Variants in TBC1D12 observed in about 807,000 individuals in gnomAD.
The protein encoded by TBC1D12 is TBC1 domain family member 12.
In TBC1D12, 56 loss-of-function variants were observed where a neutral mutation model predicts 86.7. That is an observed-to-expected ratio of 0.65 (90% CI 0.52 to 0.81). TBC1D12 has a LOEUF of 0.81. TBC1D12 is among the 30% of genes least tolerant of loss of function. The pLI is 0.00. For synonymous variants in TBC1D12, 421 were observed against 411.7 expected, an observed-to-expected ratio of 1.02 and a Z score of -0.27; for missense variants, 1,023 against 1,038.8, an observed-to-expected ratio of 0.98 and a Z score of 0.21.
intron 11 of TBC1D12, among the ~76,000 whole-genome samples, chr10:94,527,776 A>G (rs1405072797): frequency 6.6e-6 from 1 of 151,926 alleles, no homozygotes; most frequent in African/African-American, 2.4e-5. Context: ...TGTTTTGTTT[A>G]ATTTTCATAT....
Position 94,514,241 on chromosome 10 carries a change from G to A in TBC1D12, c.1761+2587G>A, listed in dbSNP as rs540989916. Among the ~76,000 whole-genome samples the A allele has an allele frequency of 2.6e-5, 4 of 152,158 alleles. No homozygotes were observed. In the South Asian group the frequency reaches 8.3e-4, roughly 32 times the overall value. The stretch of plus-strand genomic sequence containing the variant: ...TAATAAAAAATTAGCCAGGTGTGGT[G>A]GTGTGCACCTGTAGTCCCAGCTACT... On this transcript the variant is annotated intron_variant, in intron 9 of 12. Coordinates refer to ENST00000225235, the MANE Select transcript of TBC1D12 (RefSeq NM_015188.2).
chr10:94,434,365 G>T (rs144514913), intron 1 of TBC1D12, among the ~76,000 whole-genome samples: 30,838 of 151,688 alleles, frequency 0.2, 3,259 homozygotes, highest in South Asian at 0.34. Flanking sequence ...AATTAGCCAG[G>T]CGTGGTGGTG....
chr10:94,484,954 C>A (rs760811747), intron 3 of TBC1D12, among the ~76,000 whole-genome samples: 2 of 152,026 alleles, frequency 1.3e-5, no homozygotes, highest in African/African-American at 2.4e-5. Flanking sequence ...GATTTTTTAT[C>A]CTGCAACTTT....
rs1351224444 is a variant in TBC1D12, at chr10:94,417,016, C to G, written c.971+13432C>G. On this transcript the variant is annotated intron_variant, in intron 1 of 12. Transcript: ENST00000225235. ...TAAATTATGGGGGAGCTAAATTTGT[C>G]TGACAGAACTAAGTAATTTGAACTG... Among the ~76,000 whole-genome samples, 4 of 152,252 alleles carry G rather than the reference C, an allele frequency of 2.6e-5. No homozygotes were observed. The East Asian group carries it at 7.7e-4, about 29-fold the overall frequency.
At chr10:94,451,353 G>A (rs2055546862) in intron 2 of TBC1D12, among the ~76,000 whole-genome samples, 1 of 152,068 alleles carries the variant, frequency 6.6e-6, no homozygotes, top group Non-Finnish European at 1.5e-5. Flanking sequence ...ATAAAAAACA[G>A]TGGGTTTGAG....
chr10:94,512,201 T>C (rs1589668859), intron 9 of TBC1D12, among the ~76,000 whole-genome samples: 1 of 152,386 alleles, frequency 6.6e-6, no homozygotes, highest in East Asian at 1.9e-4. Flanking sequence ...TTTAACATTC[T>C]ACACTTATTT....
chr10:94,415,499 C>T (rs908875355), intron 1 of TBC1D12, among the ~76,000 whole-genome samples: 5 of 152,078 alleles, frequency 3.3e-5, no homozygotes, highest in South Asian at 4.1e-4. Flanking sequence ...TTTGGGAGGC[C>T]GAGGCAGGCG....
At chr10:94,404,639 TCCG>T (rs2054825890) in intron 1 of TBC1D12, among the ~76,000 whole-genome samples, 1 of 134,748 alleles carries the variant, frequency 7.4e-6, no homozygotes, top group Non-Finnish European at 1.6e-5. Flanking sequence ...AGAGCGAAAC[TCCG>T]TCTTTCAAAA....
intron 3 of TBC1D12, among the ~76,000 whole-genome samples, chr10:94,484,961 C>T (rs2056137896): frequency 6.6e-6 from 1 of 152,090 alleles, no homozygotes; most frequent in East Asian, 1.9e-4. Flanking sequence ...TATCCTGCAA[C>T]TTTACTGAAT....
intron 9 of TBC1D12, among the ~76,000 whole-genome samples, chr10:94,520,892 C>G (rs1564990097): frequency 6.6e-6 from 1 of 152,126 alleles, no homozygotes; most frequent in Non-Finnish European, 1.5e-5. Flanking sequence ...AACTCCTGAC[C>G]TCAGGTGATC....
intron 1 of TBC1D12, among the ~76,000 whole-genome samples, chr10:94,405,358 CTTAT>C (rs2054840164): frequency 6.6e-6 from 1 of 152,050 alleles, no homozygotes; most frequent in African/African-American, 2.4e-5. Context: ...CTAGTTTATC[CTTAT>C]TTTTTTGCTT....
chr10:94,476,388 T>C (rs1437559317), intron 3 of TBC1D12, among the ~76,000 whole-genome samples: 1 of 152,194 alleles, frequency 6.6e-6, no homozygotes, highest in African/African-American at 2.4e-5. Flanking sequence ...TGTTTATAAT[T>C]GTCTTTTCAT....
chr10:94,507,130 A>C, intron 6 of TBC1D12, 137 bp from the exon 7 acceptor site: 1 of 728,276 alleles, frequency 1.4e-6, no homozygotes, highest in East Asian at 2.7e-5. Context: ...AGAATCAAGT[A>C]CTTAGATTTG....
chr10:94,511,095 C>CTTT (rs3053917), intron 8 of TBC1D12, among the ~76,000 whole-genome samples: 99 of 66,670 alleles, frequency 1.5e-3, no homozygotes, highest in East Asian at 2.1e-3. Flanking sequence ...GTAAATATTT[C>CTTT]TTTTTTTTTT....
chr10:94,403,418 A>T lies in TBC1D12; in HGVS notation c.805A>T (p.Ile269Phe). Residue 269 changes from isoleucine (I) to phenylalanine (F), a missense_variant, in exon 1 of 13, where the codon ATT becomes TTT. Physicochemically the swap from Ile to Phe is conservative, Grantham distance 21. This residue lies in a region of TBC1D12 where 628 missense variants were observed against 531.1 expected (regional missense o/e 1.18). Coordinates refer to ENST00000225235, the MANE Select transcript of TBC1D12 (RefSeq NM_015188.2). Reference sequence around the variant, plus strand: ...GGAGCCGCGCCTGGGCTTTTCTGACATTCACTTCAACTCTCGCAACACGTT... The same window carrying T: ...GGAGCCGCGCCTGGGCTTTTCTGACTTTCACTTCAACTCTCGCAACACGTT... ...GAEPRLGFSD[I>F]HFNSRNTFQV... 6.5e-7 allele frequency: 1 copy of T among 1,549,720 alleles called. No individual in the cohort carries two copies. Among genetic ancestry groups the T allele is most frequent in the Non-Finnish European group, 8.7e-7 (1 of 1,147,746 alleles).
chr10:94,409,135 T>G (rs764278209), intron 1 of TBC1D12, among the ~76,000 whole-genome samples: 1 of 152,066 alleles, frequency 6.6e-6, no homozygotes, highest in Non-Finnish European at 1.5e-5. Context: ...AGATCCCGTA[T>G]TTTCTTTTAA....
At chr10:94,422,310 C>T (rs1484120141) in intron 1 of TBC1D12, among the ~76,000 whole-genome samples, 1 of 151,546 alleles carries the variant, frequency 6.6e-6, no homozygotes, top group Non-Finnish European at 1.5e-5. Context: ...GTGCCTCAGC[C>T]TCCCAAGTAG....
chr10:94,494,680 A>G (rs1393894141), intron 4 of TBC1D12, among the ~76,000 whole-genome samples: 1 of 151,942 alleles, frequency 6.6e-6, no homozygotes, highest in Non-Finnish European at 1.5e-5. Flanking sequence ...AGTAGCTGGG[A>G]CCATAGGCGT....
chr10:94,511,077 A>G (rs1462151801), intron 8 of TBC1D12, among the ~76,000 whole-genome samples: 1 of 132,182 alleles, frequency 7.6e-6, no homozygotes, highest in Admixed American at 7.7e-5. Context: ...TGTTGTTGTT[A>G]TTTAGTAGTA....
Sources: allele counts gnomAD v4.1 joint callset (sites outside exome capture counted in the v4.1 genomes callset), GRCh38; gene constraint gnomAD v4.1.1; regional missense constraint gnomAD v4.1.1; transcripts MANE v1.5; gene names NCBI Gene and HGNC (gene_info 2026-07-23, HGNC 2026-07-21).